DSCAML1: variants seen among roughly 807,000 people sequenced by gnomAD.
DSCAML1 encodes DS cell adhesion molecule like 1.
Under a neutral mutation model 200.5 loss-of-function variants are expected in DSCAML1, and 38 were observed. The ratio of observed to expected loss-of-function variants is 0.19; its 90% CI spans 0.15 to 0.25. DSCAML1 has a LOEUF of 0.25. Among genes scored for constraint, DSCAML1 ranks in the 10% least tolerant of loss-of-function variants. DSCAML1 has a pLI of 1.00. For missense variants in DSCAML1, 2,223 were observed against 2,858.8 expected, an observed-to-expected ratio of 0.78 and a Z score of 5.07; for synonymous variants, 1,215 against 1,165.0, an observed-to-expected ratio of 1.04 and a Z score of -0.87.
chr11:117,437,722 C>CCAT lies in DSCAML1; in HGVS notation c.4432+170_4432+172dup. Among the ~76,000 whole-genome samples, 1 of 152,250 alleles carries CCAT rather than the reference C, an allele frequency of 6.6e-6. No homozygotes were observed. Among genetic ancestry groups the CCAT allele is most frequent in the South Asian group, 2.1e-4 (1 of 4,828 alleles). ...TGGAACTAGTTTTTCCTAATGGGAT[C>CCAT]CATCGGGACACTGTGGTGACGGGAA... On this transcript the variant is annotated intron_variant, in intron 25 of 32. Coordinates refer to ENST00000651296, the MANE Select transcript of DSCAML1 (RefSeq NM_020693.4). This position sits in a 1 kb window ranked among gnomAD's most constrained non-coding sequence, Gnocchi z 5.3.
chr11:117,528,983 A>T (rs1273992639), intron 4 of DSCAML1, among the ~76,000 whole-genome samples: 1 of 150,384 alleles, frequency 6.6e-6, no homozygotes, highest in Non-Finnish European at 1.5e-5. Flanking sequence ...ACAGCAGAAC[A>T]ACCACCACTG....
rs1439343036 is a variant in DSCAML1 at position 117,503,674 on chromosome 11, G to C, written c.2359+171C>G. On this transcript the variant is annotated intron_variant, in intron 11 of 32. Transcript: ENST00000651296. The surrounding 1 kb of genome is among the most constrained non-coding windows in gnomAD (Gnocchi z 5.2). ...TGAGGCCGCTGTTTTAGATGACAGT[G>C]CTTTTGAATGCCCCATCCAAGGGTC... 6.6e-6 allele frequency among the ~76,000 whole-genome samples: 1 copy of C among 152,142 alleles called. No homozygotes were observed. Among genetic ancestry groups the C allele is most frequent in the Admixed American group, 6.6e-5 (1 of 15,266 alleles).
chr11:117,812,274 A>T (rs1034244510), intron 1 of DSCAML1, among the ~76,000 whole-genome samples: 2,089 of 152,154 alleles, frequency 0.014, 45 homozygotes, highest in African/African-American at 0.048. Flanking sequence ...TCCCACAGCA[A>T]GCTTTGAAAG....
chr11:117,519,217 G>GA (rs1431386296), intron 6 of DSCAML1, among the ~76,000 whole-genome samples: 6 of 152,196 alleles, frequency 3.9e-5, no homozygotes, highest in African/African-American at 1.4e-4. Context: ...TAACTGCTTA[G>GA]AACTACATAT....
In DSCAML1 at chr11:117,480,610, C is replaced by CA; in HGVS notation, c.2657-40dup. ...GTGGAGGGGAGGGAAGTGAGGAGGG[C>CA]AGCAGGGAGCTTGGCCTCCTGCTTG... On this transcript the variant is annotated intron_variant, in intron 13 of 32. Coordinates refer to ENST00000651296, the MANE Select transcript of DSCAML1 (RefSeq NM_020693.4). This position sits in a 1 kb window ranked among gnomAD's most constrained non-coding sequence, Gnocchi z 4.1. 1.9e-6 allele frequency: 3 copies of CA among 1,548,540 alleles called. No homozygotes were observed. Among genetic ancestry groups the CA allele is most frequent in the Non-Finnish European group, 2.6e-6 (3 of 1,145,800 alleles).
chr11:117,713,336 G>A (rs1016502900), intron 3 of DSCAML1, among the ~76,000 whole-genome samples: 3 of 152,180 alleles, frequency 2.0e-5, no homozygotes, highest in African/African-American at 7.2e-5. Flanking sequence ...GGCTGGTCTT[G>A]AATGCTTGAC....
At chr11:117,707,047 C>T (rs191379595) in intron 3 of DSCAML1, among the ~76,000 whole-genome samples, 7 of 152,306 alleles carry the variant, frequency 4.6e-5, no homozygotes, top group East Asian at 1.9e-4. Context: ...CTCTGGGATA[C>T]GGTCTTACTT....
At chr11:117,619,755 T>C (rs1374671116) in intron 3 of DSCAML1, among the ~76,000 whole-genome samples, 1 of 152,208 alleles carries the variant, frequency 6.6e-6, no homozygotes, top group African/African-American at 2.4e-5. Flanking sequence ...TAGTAGATTA[T>C]AGATACATCT....
intron 20 of DSCAML1, among the ~76,000 whole-genome samples, chr11:117,447,213 G>A (rs1378532245): frequency 2.0e-5 from 3 of 152,190 alleles, no homozygotes; most frequent in East Asian, 1.9e-4. Context: ...ACTTGAACCC[G>A]GGAGGTGGAG....
At chr11:117,558,261 G>A (rs1255337480) in intron 3 of DSCAML1, among the ~76,000 whole-genome samples, 2 of 152,108 alleles carry the variant, frequency 1.3e-5, no homozygotes, top group Non-Finnish European at 2.9e-5. Flanking sequence ...TTCACGAAAC[G>A]TGAGCAAGTG....
intron 19 of DSCAML1, 125 bp from the exon 20 acceptor site, chr11:117,450,813 CTGT>C (rs2048269268): frequency 8.4e-7 from 1 of 1,187,726 alleles, no homozygotes; most frequent in South Asian, 1.6e-5. Context: ...CATCCTTGAG[CTGT>C]GGTTTAGAAG....
chr11:117,673,979 T>C (rs1591386753), intron 3 of DSCAML1, among the ~76,000 whole-genome samples: 1 of 152,352 alleles, frequency 6.6e-6, no homozygotes, highest in East Asian at 1.9e-4. Flanking sequence ...GAAGCGCATG[T>C]CCCACATTCT....
chr11:117,493,176 A>T (rs4096589), intron 11 of DSCAML1, among the ~76,000 whole-genome samples: 66,732 of 151,824 alleles, frequency 0.44, 15,092 homozygotes, highest in South Asian at 0.55. Context: ...AGGCCCTCAA[A>T]CTCGCCAGGC....
At chr11:117,534,385 A>ACTCCCTC (rs2050130587) in intron 3 of DSCAML1, among the ~76,000 whole-genome samples, 1 of 151,950 alleles carries the variant, frequency 6.6e-6, no homozygotes, top group East Asian at 1.9e-4. Context: ...GGGCTGGGGA[A>ACTCCCTC]CTCCCTCCCT....
chr11:117,778,266 G>A (rs1011046491), intron 2 of DSCAML1, among the ~76,000 whole-genome samples: 1 of 152,254 alleles, frequency 6.6e-6, no homozygotes, highest in Non-Finnish European at 1.5e-5. Flanking sequence ...CCCTTCCAAA[G>A]GTTTGGGCAG....
Position 117,503,814 on chromosome 11 carries a change from G to A in DSCAML1, c.2359+31C>T, listed in dbSNP as rs1435287823. On this transcript the variant is annotated intron_variant, in intron 11 of 32. Transcript: ENST00000651296. This position sits in a 1 kb window ranked among gnomAD's most constrained non-coding sequence, Gnocchi z 5.2. ...GCCGGGGCTTGGCTGTGATTTGGGG[G>A]TGCTAGGGGGCGTGTGGGGACAGGA... The A allele has an allele frequency of 6.2e-7, 1 of 1,603,088 alleles. No homozygotes were observed. Among genetic ancestry groups the A allele is most frequent in the Admixed American group, 1.7e-5 (1 of 59,440 alleles).
intron 3 of DSCAML1, among the ~76,000 whole-genome samples, chr11:117,692,593 C>T (rs1192421467): frequency 2.0e-5 from 3 of 152,090 alleles, no homozygotes; most frequent in East Asian, 1.9e-4. Context: ...GAGTCATAGC[C>T]GCTATGGTTC....
In DSCAML1 at chr11:117,791,706, T is replaced by C. The variant is rs1414385452; in HGVS notation, c.46+5328A>G. Among the ~76,000 whole-genome samples, 3 of 152,350 alleles carry C rather than the reference T, an allele frequency of 2.0e-5. No homozygotes were observed. The East Asian group carries it at 5.8e-4, about 29-fold the overall frequency. On this transcript the variant is annotated intron_variant, in intron 1 of 32. Transcript: ENST00000651296. ...AGTTGACGTCCCCTGTCCTGGCCAC[T>C]ACTCTGTCTTTCTTATTGTTATAAA...
chr11:117,683,755 A>T (rs535553453), intron 3 of DSCAML1, among the ~76,000 whole-genome samples: 7 of 152,286 alleles, frequency 4.6e-5, no homozygotes, highest in African/African-American at 1.7e-4. Context: ...CCTCATATAC[A>T]ATGTGGGAGA....
Sources: allele counts gnomAD v4.1 joint callset (sites outside exome capture counted in the v4.1 genomes callset), GRCh38; gene constraint gnomAD v4.1.1; non-coding constraint Gnocchi (gnomAD v3.1); transcripts MANE v1.5; gene names NCBI Gene and HGNC (gene_info 2026-07-23, HGNC 2026-07-21).